Variants in SEPSECS observed in about 807,000 individuals in gnomAD.
The protein encoded by SEPSECS is O-phosphoseryl-tRNA(Sec) selenium transferase.
SEPSECS carries 42 observed loss-of-function variants against 52.1 expected under a neutral mutation model. That is an observed-to-expected ratio of 0.81 (90% CI 0.63 to 1.04). The LOEUF (loss-of-function observed/expected upper bound fraction) is 1.04, where lower values mean the gene tolerates loss of function less well. Ranked by LOEUF, SEPSECS falls within the 50% of genes least tolerant of loss-of-function variation. SEPSECS has a pLI of 0.00. For synonymous variants in SEPSECS, 216 were observed against 211.4 expected (o/e 1.02, Z -0.19); for missense variants, 590 against 610.6 (o/e 0.97, Z 0.36).
intron 5 of SEPSECS, among the ~76,000 whole-genome samples, chr4:25,153,189 T>C (rs1196765580): frequency 6.6e-6 from 1 of 151,944 alleles, no homozygotes; most frequent in Non-Finnish European, 1.5e-5. Context: ...GACATCCTTT[T>C]TGTTACTTCA....
intron 6 of SEPSECS, among the ~76,000 whole-genome samples, chr4:25,148,464 T>C (rs1343811498): frequency 2.6e-5 from 4 of 152,064 alleles, no homozygotes; most frequent in Non-Finnish European, 5.9e-5. Context: ...AAGGCTAACT[T>C]TAATTTTTTA....
chr4:25,124,279 T>A, intron 10 of SEPSECS, 54 bp from the exon 11 acceptor site: 2 of 1,530,472 alleles, frequency 1.3e-6, no homozygotes. Context: ...TAACACAATG[T>A]CACCCATAAA....
intron 8 of SEPSECS, among the ~76,000 whole-genome samples, chr4:25,128,632 T>C (rs183113961): frequency 6.6e-6 from 1 of 152,292 alleles, no homozygotes; most frequent in East Asian, 1.9e-4. Flanking sequence ...CTATTTGACC[T>C]AAAATTTTAC....
intron 8 of SEPSECS, among the ~76,000 whole-genome samples, chr4:25,139,196 A>C (rs1560327254): frequency 1.3e-5 from 2 of 152,034 alleles, no homozygotes; most frequent in Non-Finnish European, 2.9e-5. Flanking sequence ...TCCTCCAAAA[A>C]CTATAATTTC....
chr4:25,151,002 C>T (rs1020105952), intron 6 of SEPSECS, among the ~76,000 whole-genome samples: 2 of 151,958 alleles, frequency 1.3e-5, no homozygotes, highest in African/African-American at 4.8e-5. Context: ...AAATAAAAAA[C>T]TAGAAAACGC....
intron 8 of SEPSECS, among the ~76,000 whole-genome samples, chr4:25,137,313 C>G (rs1728877480): frequency 2.6e-5 from 4 of 152,002 alleles, no homozygotes; most frequent in Admixed American, 2.6e-4. Flanking sequence ...TGCAACTTAC[C>G]CTTCTGACAA....
In SEPSECS at chr4:25,160,020, T is replaced by G. The variant is rs368263322; in HGVS notation, c.114+236A>C. ...ATCCCGAAGTTAGAAACAGCGGGAC[T>G]CAAAACCCCGACCCCAACACCCCCT... is the stretch of plus-strand genomic sequence containing the variant. On this transcript the variant is annotated intron_variant, in intron 1 of 10. Transcript: ENST00000382103. The G allele has an allele frequency of 1.0e-4, 103 of 985,338 alleles. No individual in the cohort carries two copies. In the East Asian group the frequency reaches 0.01, roughly 97 times the overall value. 61.0% of individuals were successfully genotyped at this position (985,338 alleles called of 1,614,324 possible).
chr4:25,152,947 A>G (rs2109030041), intron 5 of SEPSECS, among the ~76,000 whole-genome samples: 1 of 152,086 alleles, frequency 6.6e-6, no homozygotes, highest in Middle Eastern at 3.4e-3. Flanking sequence ...TACTTCAAAT[A>G]TATAGTTTGA....
chr4:25,153,388 A>G (rs1359365419), intron 5 of SEPSECS, among the ~76,000 whole-genome samples: 1 of 151,870 alleles, frequency 6.6e-6, no homozygotes, highest in East Asian at 1.9e-4. Context: ...ACTTGTGAGT[A>G]GTTTTAAATA....
rs556164574 is a variant in SEPSECS at position 25,156,518 on chromosome 4, C to G, written c.389-323G>C. 2.2e-4 allele frequency among the ~76,000 whole-genome samples: 33 copies of G among 151,570 alleles called. No individual in the cohort carries two copies. In the East Asian group the frequency reaches 5.8e-3, roughly 27 times the overall value. ...AGGAGATCGAGACCATCCTGGCTAA[C>G]ACGGTGAGACCCCCGTCTCTACTAA... On this transcript the variant is annotated intron_variant, in intron 3 of 10. Coordinates refer to ENST00000382103, the MANE Select transcript of SEPSECS (RefSeq NM_016955.4).
chr4:25,132,639 G>A (rs1439044414), intron 8 of SEPSECS, among the ~76,000 whole-genome samples: 1 of 152,162 alleles, frequency 6.6e-6, no homozygotes, highest in Non-Finnish European at 1.5e-5. Flanking sequence ...AATGGGCATC[G>A]TAATACTTTG....
intron 6 of SEPSECS, among the ~76,000 whole-genome samples, chr4:25,151,669 G>C (rs529337371): frequency 6.6e-6 from 1 of 152,064 alleles, no homozygotes; most frequent in Admixed American, 6.5e-5. Flanking sequence ...CAGTATATTA[G>C]AAAAATGAAA....
chr4:25,159,095 C>G lies in SEPSECS; in HGVS notation c.127G>C (p.Glu43Gln), dbSNP rs754207069. Residue 43 changes from glutamate (E) to glutamine (Q), a missense_variant, in exon 2 of 11, where the codon GAG (glutamate) becomes CAG (glutamine). Coordinates refer to ENST00000382103, the MANE Select transcript of SEPSECS (RefSeq NM_016955.4). ...RLLLEKGKCPENGWDESTLEL... is the reference protein window; with the variant it reads ...RLLLEKGKCPQNGWDESTLEL... The stretch of plus-strand genomic sequence containing the variant: ...AGTGTACTTTCATCCCAGCCATTCT[C>G]TGGACACTTGCCCTTAAAAAAAAAA... 6.2e-7 allele frequency: 1 copy of G among 1,601,450 alleles called. No individual in the cohort carries two copies. Among genetic ancestry groups the G allele is most frequent in the Non-Finnish European group, 8.5e-7 (1 of 1,175,076 alleles).
Position 25,127,648 on chromosome 4 carries a change from C to T in SEPSECS, c.1027-291G>A, listed in dbSNP as rs866781736. Among the ~76,000 whole-genome samples the T allele has an allele frequency of 5.3e-5, 8 of 152,270 alleles. 1 individual carries two copies. The South Asian group carries it at 6.2e-4, about 12-fold the overall frequency. ...CTTCCAGACCTACCACTCTGGTCCT[C>T]GTAGCCATCAACCTCTTCCCTGGAC... is the stretch of plus-strand genomic sequence containing the variant. On this transcript the variant is annotated intron_variant, in intron 8 of 10. Transcript: ENST00000382103.
chr4:25,125,400 C>A, intron 10 of SEPSECS: 1 of 325,934 alleles, frequency 3.1e-6, no homozygotes, highest in South Asian at 4.9e-5. Flanking sequence ...TGAAGATCAT[C>A]TAACAAAGGA....
intron 1 of SEPSECS, 119 bp downstream of exon 1, chr4:25,160,137 G>A: frequency 1.3e-6 from 2 of 1,503,890 alleles, no homozygotes; most frequent in Admixed American, 2.2e-5. Context: ...AGCTGAGACA[G>A]ACTTGGGACT....
At chr4:25,149,101 C>G (rs1220230068) in intron 6 of SEPSECS, among the ~76,000 whole-genome samples, 2 of 152,058 alleles carry the variant, frequency 1.3e-5, no homozygotes, top group African/African-American at 4.8e-5. Flanking sequence ...CTCTGTCACC[C>G]AGGCTGAGTG....
intron 2 of SEPSECS, among the ~76,000 whole-genome samples, chr4:25,157,796 T>C (rs953651942): frequency 3.3e-5 from 5 of 150,072 alleles, no homozygotes; most frequent in South Asian, 2.1e-4. Context: ...CCGCCCGCCT[T>C]GGCCTCCCAA....
chr4:25,130,706 T>C (rs1005895866), intron 8 of SEPSECS, among the ~76,000 whole-genome samples: 1 of 152,176 alleles, frequency 6.6e-6, no homozygotes, highest in Non-Finnish European at 1.5e-5. Context: ...TTCCACATGT[T>C]AAGCTCCTAA....
Sources: allele counts gnomAD v4.1 joint callset (sites outside exome capture counted in the v4.1 genomes callset), GRCh38; gene constraint gnomAD v4.1.1; transcripts MANE v1.5; gene names NCBI Gene and HGNC (gene_info 2026-07-23, HGNC 2026-07-21).